KAZN: variants seen among roughly 807,000 people sequenced by gnomAD.
The protein encoded by KAZN is kazrin, periplakin interacting protein.
Under a neutral mutation model 87.4 loss-of-function variants are expected in KAZN, and 40 were observed. That is an observed-to-expected ratio of 0.46 (90% CI 0.36 to 0.60). The LOEUF is 0.60. KAZN is among the 20% of genes least tolerant of loss of function. The probability of loss-of-function intolerance (pLI) is 0.00; values close to 1 mark genes in which losing one functional copy is unlikely to be tolerated. For synonymous variants in KAZN, 466 were observed against 458.3 expected, an observed-to-expected ratio of 1.02 and a Z score of -0.22; for missense variants, 898 against 1,073.9, an observed-to-expected ratio of 0.84 and a Z score of 2.29.
At chr1:14,150,226 C>T (rs1268097632) in intron 1 of KAZN, among the ~76,000 whole-genome samples, 3 of 152,322 alleles carry the variant, frequency 2.0e-5, no homozygotes, top group East Asian at 1.9e-4. Context: ...TATCACCACT[C>T]CAGTTTGCTG....
chr1:14,756,809 A>C (rs1343905475), intron 1 of KAZN, among the ~76,000 whole-genome samples: 1 of 152,224 alleles, frequency 6.6e-6, no homozygotes, highest in Non-Finnish European at 1.5e-5. Flanking sequence ...AAAGAAGAAC[A>C]ATTAATCTCT....
At chr1:14,829,636 G>A (rs1271234029) in intron 1 of KAZN, among the ~76,000 whole-genome samples, 1 of 152,224 alleles carries the variant, frequency 6.6e-6, no homozygotes, top group Non-Finnish European at 1.5e-5. Flanking sequence ...GTTTATTGGG[G>A]TAGGGAGGTG....
intron 1 of KAZN, among the ~76,000 whole-genome samples, chr1:14,850,745 C>G (rs1320957623): frequency 5.3e-5 from 8 of 152,134 alleles, no homozygotes; most frequent in African/African-American, 1.9e-4. Context: ...GAGGTTTCAC[C>G]CAGAAAGTCC....
chr1:14,883,323 AGAGAGAGAGAGAGAGAG>A (rs1653566060), intron 1 of KAZN, among the ~76,000 whole-genome samples: 4 of 37,692 alleles, frequency 1.1e-4, no homozygotes, highest in African/African-American at 2.0e-4. Flanking sequence ...AAAGAAAGAG[AGAGAGAGAGAGAGAGAG>A]AGAAAGAAAG....
chr1:14,883,241 G>A (rs138063086), intron 1 of KAZN, among the ~76,000 whole-genome samples: 1 of 150,206 alleles, frequency 6.7e-6, no homozygotes, highest in African/African-American at 2.4e-5. Flanking sequence ...GTTGCGGTGA[G>A]CCAAGATCAC....
At position 14,943,035 on chromosome 1, in the gene KAZN, T is replaced by G. The variant is rs1352720056; in HGVS notation, c.227-17649T>G. The stretch of plus-strand genomic sequence containing the variant: ...GTGTGTGTGTGTGTGTGTGTGTGTG[T>G]GTGTGTGTGTGTGTGTTGGGGAGGA... On this transcript the variant is annotated intron_variant, in intron 1 of 14. Coordinates refer to ENST00000376030, the MANE Select transcript of KAZN (RefSeq NM_201628.3). Among the ~76,000 whole-genome samples the G allele has an allele frequency of 1.2e-4, 16 of 136,580 alleles. 3 individuals are homozygous for G. Among genetic ancestry groups the G allele is most frequent in the Middle Eastern group, 3.6e-3 (1 of 276 alleles). The allele number at this position is 136,580 out of a possible 152,430, so 89.6% of individuals were successfully genotyped here. A position where few individuals can be genotyped will look rare whatever the true frequency, so the allele number is the denominator to read the frequency against.
rs568767103 is a variant in KAZN, at chr1:14,507,334, C to G, written c.250-91649C>G. Among the ~76,000 whole-genome samples the G allele has an allele frequency of 4.6e-5, 7 of 152,284 alleles. No individual in the cohort carries two copies. The South Asian group carries it at 6.2e-4, about 14-fold the overall frequency. Reference sequence around the variant, plus strand: ...ATTTCAGTAGAATGGGGGCTTTGTTCCCTATCACAATCGTCCATCTTGGTA... The same window carrying G: ...ATTTCAGTAGAATGGGGGCTTTGTTGCCTATCACAATCGTCCATCTTGGTA... On this transcript the variant is annotated intron_variant, in intron 2 of 16. Coordinates refer to the KAZN transcript ENST00000636203.
At chr1:13,943,690 C>G (rs958836776) in intron 1 of KAZN, among the ~76,000 whole-genome samples, 1 of 151,762 alleles carries the variant, frequency 6.6e-6, no homozygotes, top group Non-Finnish European at 1.5e-5. Context: ...ATTGGCAAAT[C>G]TAAATATTCA....
In KAZN at chr1:14,222,293, G is replaced by A. The variant is rs147666214; in HGVS notation, c.249+41701G>A. 3.1e-3 allele frequency among the ~76,000 whole-genome samples: 467 copies of A among 152,294 alleles called. 2 individuals are homozygous for A. Among genetic ancestry groups the A allele is most frequent in the African/African-American group, 0.011 (451 of 41,564 alleles). ...GTCACGGCCATGCCCGTGGGGAACT[G>A]TGGGGGGAAATGGGCCAGAGGCTTA... is the stretch of plus-strand genomic sequence containing the variant. On this transcript the variant is annotated intron_variant, in intron 2 of 16. Coordinates refer to the KAZN transcript ENST00000636203.
intron 10 of KAZN, among the ~76,000 whole-genome samples, chr1:15,095,620 C>G (rs796151653): frequency 1.3e-5 from 2 of 151,934 alleles, no homozygotes; most frequent in South Asian, 2.1e-4. Context: ...CCGCCCCACC[C>G]CGTTCTGAGA....
chr1:14,960,824 C>A lies in KAZN; in HGVS notation c.367C>A (p.Gln123Lys), dbSNP rs1320692908. ...EVLSATELRV[Q>K]LAQKEQELAR... ...CCTCTCGGCCACCGAGCTCAGGGTC[C>A]AGCTGGCCCAGAAGGAGCAGGAGCT... Residue 123 changes from glutamine (Q) to lysine (K), a missense_variant, in exon 2 of 15, where the codon CAG becomes AAG. Coordinates refer to ENST00000376030, the MANE Select transcript of KAZN (RefSeq NM_201628.3). 1 of 1,613,074 alleles carries A rather than the reference C, an allele frequency of 6.2e-7. No homozygotes were observed. The highest frequency in any genetic ancestry group is 2.2e-5 in the East Asian group (1 of 44,880).
intron 1 of KAZN, among the ~76,000 whole-genome samples, chr1:14,115,110 G>A (rs1166531074): frequency 6.6e-6 from 1 of 152,228 alleles, no homozygotes; most frequent in African/African-American, 2.4e-5. Context: ...CAGTGCTGGA[G>A]GCTGCAAGTC....
At chr1:14,921,716 T>G (rs1658547384) in intron 1 of KAZN, among the ~76,000 whole-genome samples, 2 of 152,136 alleles carry the variant, frequency 1.3e-5, no homozygotes, top group African/African-American at 4.8e-5. Context: ...GTTGTTCTTG[T>G]TTGTTTGTTT....
chr1:14,582,930 C>T (rs1300826166), intron 2 of KAZN, among the ~76,000 whole-genome samples: 4 of 152,132 alleles, frequency 2.6e-5, no homozygotes, highest in Admixed American at 6.6e-5. Context: ...CCATGAGCAC[C>T]GTTAGGGCAG....
intron 2 of KAZN, among the ~76,000 whole-genome samples, chr1:14,254,544 G>A (rs72865777): frequency 0.021 from 3,259 of 152,122 alleles, 110 homozygotes; most frequent in African/African-American, 0.073. Context: ...AGTGGCAAAT[G>A]GTCAAAATAC....
chr1:15,031,204 C>T (rs1041746545), intron 2 of KAZN, among the ~76,000 whole-genome samples: 1 of 152,190 alleles, frequency 6.6e-6, no homozygotes, highest in Admixed American at 6.5e-5. Context: ...GGTCGGGTGT[C>T]GACTTTGGGG....
At chr1:14,883,306 A>C (rs983123638) in intron 1 of KAZN, among the ~76,000 whole-genome samples, 5 of 46,416 alleles carry the variant, frequency 1.1e-4, no homozygotes, top group Non-Finnish European at 1.5e-4. Flanking sequence ...AAAAGAAAGA[A>C]AGAAAGAAAG....
chr1:14,762,553 G>A lies in KAZN; in HGVS notation c.226+163330G>A, dbSNP rs554594315. 1.2e-4 allele frequency among the ~76,000 whole-genome samples: 18 copies of A among 152,108 alleles called. No individual in the cohort carries two copies. The East Asian group carries it at 2.9e-3, about 25-fold the overall frequency. ...ATCCTGGCTAACATGGTGAAACCCC[G>A]TCTCTACTAAAAATACAAAAAATTA... On this transcript the variant is annotated intron_variant, in intron 1 of 14. Transcript: ENST00000376030.
At chr1:14,251,847 C>G (rs1455661043) in intron 2 of KAZN, among the ~76,000 whole-genome samples, 2 of 151,960 alleles carry the variant, frequency 1.3e-5, no homozygotes, top group African/African-American at 4.8e-5. Context: ...CGGGGTCTCA[C>G]TATGTTGCCC....
Sources: allele counts gnomAD v4.1 joint callset (sites outside exome capture counted in the v4.1 genomes callset), GRCh38; gene constraint gnomAD v4.1.1; transcripts MANE v1.5; gene names NCBI Gene and HGNC (gene_info 2026-07-23, HGNC 2026-07-21).